MYH11: variants seen among roughly 807,000 people sequenced by gnomAD.
MYH11 encodes the protein myosin heavy chain 11, also known as myosin-11.
A neutral mutation model predicts 246.6 loss-of-function variants in MYH11; 80 were observed. The ratio of observed to expected loss-of-function variants is 0.32; its 90% CI spans 0.27 to 0.39. MYH11 has a LOEUF of 0.39. MYH11 is among the 10% of genes least tolerant of loss of function. MYH11 has a pLI of 1.00. For missense variants in MYH11, 2,158 were observed against 2,546.8 expected (o/e 0.85, Z 3.29); for synonymous variants, 1,071 against 1,015.5 (o/e 1.05, Z -1.04).
In MYH11 at chr16:15,771,688, T is replaced by C. The variant is rs185661462; in HGVS notation, c.914A>G (p.Asn305Ser). 448 of 1,614,138 alleles carry C rather than the reference T, an allele frequency of 2.8e-4. 6 individuals carry two copies. The East Asian group carries it at 5.4e-3, about 19-fold the overall frequency. The change falls in exon 9 of 41, where the codon AAC becomes AGC. Residue 305 changes from asparagine (N) to serine (S), a missense_variant. Asn to Ser is a conservative substitution (Grantham distance 46). Transcript: ENST00000300036. ...MRSDLLLEGF[N>S]NYTFLSNGFV... ...GCCATTGGAGAGGAAGGTGTAGTTG[T>C]TGAAGCCCTCCAAAAGCAAGTCACC...
intron 4 of MYH11, among the ~76,000 whole-genome samples, chr16:15,789,000 G>C (rs72772064): frequency 3.8e-4 from 58 of 151,984 alleles, no homozygotes; most frequent in African/African-American, 1.4e-3. Context: ...AAGAATTGGC[G>C]TTTGTCATTG....
chr16:15,810,174 T>C (rs1406729006), intron 3 of MYH11, among the ~76,000 whole-genome samples: 1 of 151,604 alleles, frequency 6.6e-6, no homozygotes, highest in Non-Finnish European at 1.5e-5. Flanking sequence ...GCTGGGATTA[T>C]AGTCGCCCAC....
At chr16:15,851,048 G>C (rs2044316778) in intron 1 of MYH11, among the ~76,000 whole-genome samples, 1 of 152,204 alleles carries the variant, frequency 6.6e-6, no homozygotes, top group South Asian at 2.1e-4. Context: ...GGGCAGCACA[G>C]TGAGATCCCA....
At chr16:15,795,919 G>A (rs760359548) in intron 4 of MYH11, among the ~76,000 whole-genome samples, 7 of 152,192 alleles carry the variant, frequency 4.6e-5, no homozygotes, top group Non-Finnish European at 1.0e-4. Flanking sequence ...TCAAACCCAA[G>A]GGGTTAGGTT....
rs2151159111 is a variant in MYH11, at chr16:15,703,695, C to G, written c.*296G>C. 2.2e-6 allele frequency: 1 copy of G among 459,414 alleles called. No homozygotes were observed. Among genetic ancestry groups the G allele is most frequent in the East Asian group, 3.9e-5 (1 of 25,936 alleles). The allele number at this position is 459,414 out of a possible 1,614,324, so 28.5% of individuals were successfully genotyped here. A position where few individuals can be genotyped will look rare whatever the true frequency, so the allele number is the denominator to read the frequency against. On this transcript the variant is annotated 3_prime_UTR_variant, in exon 41 of 41. Coordinates refer to ENST00000300036, the MANE Select transcript of MYH11 (RefSeq NM_002474.3). ...CCTCGAAGTCCTGGGCTGGAGCGTT[C>G]TTCCTGGCTCAGCCTCCCTAGTAGC... is the stretch of plus-strand genomic sequence containing the variant.
chr16:15,812,062 G>A lies in MYH11; in HGVS notation c.502+11193C>T, dbSNP rs115649608. Among the ~76,000 whole-genome samples the A allele has an allele frequency of 9.7e-4, 147 of 152,248 alleles. 1 individual carries two copies. The highest frequency in any genetic ancestry group is 3.5e-3 in the African/African-American group (144 of 41,552). On this transcript the variant is annotated intron_variant, in intron 3 of 40. Coordinates refer to ENST00000300036, the MANE Select transcript of MYH11 (RefSeq NM_002474.3). The stretch of plus-strand genomic sequence containing the variant: ...ATTGAACTTAGCTCCAGCCTCCTAA[G>A]CTTTGAGCTGTCAACACTCTGAGAT...
At chr16:15,785,442 GC>G (rs1248233940) in intron 5 of MYH11, 1 of 151,928 alleles carries the variant, frequency 6.6e-6, no homozygotes, top group Non-Finnish European at 1.5e-5. Context: ...AAACCAACTT[GC>G]CAGAGACAAT....
At chr16:15,808,887 T>C (rs1207046148) in intron 3 of MYH11, among the ~76,000 whole-genome samples, 1 of 152,070 alleles carries the variant, frequency 6.6e-6, no homozygotes, top group South Asian at 2.1e-4. Context: ...AGTGAAACTC[T>C]GTCTCAAAAA....
In MYH11 at chr16:15,771,630, C is replaced by G; in HGVS notation, c.972G>C (p.Glu324Asp). 6.2e-7 allele frequency: 1 copy of G among 1,614,042 alleles called. No homozygotes were observed. The highest frequency in any genetic ancestry group is 8.5e-7 in the Non-Finnish European group (1 of 1,180,012). ...TGGCCTCCACGGTTTCCTGGAACATCTCATCATCCTGGGCTGCTGGGATGG... is the reference window on the plus strand; with the variant it reads ...TGGCCTCCACGGTTTCCTGGAACATGTCATCATCCTGGGCTGCTGGGATGG... ...FVPIPAAQDDEMFQETVEAMA... is the reference protein window; with the variant it reads ...FVPIPAAQDDDMFQETVEAMA... The change falls in exon 9 of 41, where the codon GAG becomes GAC. Residue 324 changes from glutamate to aspartate, a missense_variant. By Grantham distance (45) the Glu-to-Asp change is conservative. Transcript: ENST00000300036.
At chr16:15,714,747 G>A (rs138926429) in intron 40 of MYH11, 162 bp downstream of exon 40, 8 of 916,682 alleles carry the variant, frequency 8.7e-6, no homozygotes, top group African/African-American at 1.6e-5. Flanking sequence ...CTCAGTGCCT[G>A]GCCCACACTA....
chr16:15,803,031 G>A (rs2042923328), intron 3 of MYH11, among the ~76,000 whole-genome samples: 1 of 151,804 alleles, frequency 6.6e-6, no homozygotes, highest in Non-Finnish European at 1.5e-5. Flanking sequence ...CAGCTACTCG[G>A]GAGGCTAAGG....
intron 34 of MYH11, 43 bp from the exon 35 acceptor site, chr16:15,719,756 C>A: frequency 6.2e-7 from 1 of 1,613,148 alleles, no homozygotes; most frequent in Non-Finnish European, 8.5e-7. Flanking sequence ...TGTCCTTACT[C>A]CCCCAAGTTC....
chr16:15,706,681 T>C (rs2039474298), intron 40 of MYH11, among the ~76,000 whole-genome samples: 1 of 150,210 alleles, frequency 6.7e-6, no homozygotes, highest in Non-Finnish European at 1.5e-5. Context: ...CACTCCAGCC[T>C]GGGAAACAGC....
At chr16:15,806,408 C>T (rs1051600080) in intron 3 of MYH11, among the ~76,000 whole-genome samples, 2 of 148,426 alleles carry the variant, frequency 1.3e-5, no homozygotes, top group Non-Finnish European at 3.0e-5. Context: ...TTTGTGAATT[C>T]GTGGCTGCCA....
intron 2 of MYH11, among the ~76,000 whole-genome samples, chr16:15,836,285 C>T (rs2043889435): frequency 1.3e-5 from 2 of 152,128 alleles, no homozygotes; most frequent in Admixed American, 6.6e-5. Context: ...ATAATGGGAA[C>T]ATTCTGCACT....
At chr16:15,840,299 G>C (rs1275539346) in intron 1 of MYH11, among the ~76,000 whole-genome samples, 1 of 152,138 alleles carries the variant, frequency 6.6e-6, no homozygotes, top group Non-Finnish European at 1.5e-5. Flanking sequence ...GAAGGACATT[G>C]AATGTTCCCA....
chr16:15,808,705 G>A (rs1019610678), intron 3 of MYH11, among the ~76,000 whole-genome samples: 1 of 151,932 alleles, frequency 6.6e-6, no homozygotes, highest in Non-Finnish European at 1.5e-5. Context: ...GAGACTCAAA[G>A]CGAGACCCCT....
chr16:15,807,670 G>A (rs1049499217), intron 3 of MYH11, among the ~76,000 whole-genome samples: 1 of 152,084 alleles, frequency 6.6e-6, no homozygotes, highest in Non-Finnish European at 1.5e-5. Flanking sequence ...GCCTGGGGCT[G>A]AGCTTCCCAG....
At chr16:15,779,201 C>T in intron 6 of MYH11, 1 of 383,160 alleles carries the variant, frequency 2.6e-6, no homozygotes, top group East Asian at 6.3e-5. Context: ...GCAATCACAG[C>T]TCACTGTAAC....
Sources: allele counts gnomAD v4.1 joint callset (sites outside exome capture counted in the v4.1 genomes callset), GRCh38; gene constraint gnomAD v4.1.1; transcripts MANE v1.5; gene names NCBI Gene and HGNC (gene_info 2026-07-23, HGNC 2026-07-21).